AGAP1: variants seen among roughly 807,000 people sequenced by gnomAD.
The protein encoded by AGAP1 is ArfGAP with GTPase domain, ankyrin repeat and PH domain 1.
In AGAP1, 29 loss-of-function variants were observed where a neutral mutation model predicts 105.3. The ratio of observed to expected loss-of-function variants is 0.28; its 90% CI spans 0.21 to 0.38. The LOEUF is 0.38. Among genes scored for constraint, AGAP1 ranks in the 10% least tolerant of loss-of-function variants. The pLI is 1.00. For missense variants in AGAP1, 998 were observed against 1,165.1 expected, an observed-to-expected ratio of 0.86 and a Z score of 2.09; for synonymous variants, 509 against 485.9, an observed-to-expected ratio of 1.05 and a Z score of -0.63.
At chr2:235,497,031 T>C (rs909632420) in intron 1 of AGAP1, among the ~76,000 whole-genome samples, 3 of 152,246 alleles carry the variant, frequency 2.0e-5, no homozygotes, top group Admixed American at 1.3e-4. Flanking sequence ...CATGTTCTTC[T>C]GTTATCAATA....
intron 9 of AGAP1, among the ~76,000 whole-genome samples, chr2:235,811,357 C>T (rs532385845): frequency 2.0e-5 from 3 of 152,298 alleles, no homozygotes; most frequent in South Asian, 2.1e-4. Context: ...TTTTGAAAAT[C>T]ATGCTCAGTT....
rs1406966432 is a variant in AGAP1, at chr2:235,724,167, A to G, written c.310+6523A>G. On this transcript the variant is annotated intron_variant, in intron 3 of 17. Transcript: ENST00000304032. This position sits in a 1 kb window ranked among gnomAD's most constrained non-coding sequence, Gnocchi z 4.9. ...GGAGTTTCTGACTGATTCTTAACCA[A>G]CTCAAAATTTTAGGCAGAAAGCTAG... is the stretch of plus-strand genomic sequence containing the variant. Among the ~76,000 whole-genome samples the G allele has an allele frequency of 1.3e-5, 2 of 152,096 alleles. No individual in the cohort carries two copies. Among genetic ancestry groups the G allele is most frequent in the African/African-American group, 2.4e-5 (1 of 41,420 alleles).
At chr2:235,818,262 C>G (rs760090406) in intron 9 of AGAP1, among the ~76,000 whole-genome samples, 5 of 152,182 alleles carry the variant, frequency 3.3e-5, no homozygotes, top group Non-Finnish European at 5.9e-5. Context: ...CTACTCTGTT[C>G]TAGACGAAGA....
Position 235,905,796 on chromosome 2 carries a change from G to A in AGAP1, c.1156-2942G>A, listed in dbSNP as rs999649546. On this transcript the variant is annotated intron_variant, in intron 10 of 17. Transcript: ENST00000304032. The surrounding 1 kb of genome is among the most constrained non-coding windows in gnomAD (Gnocchi z 4.2). Reference sequence around the variant, plus strand: ...TTACAGGCGTGAGCCACCGCGCCCCGCCTGATGTGCTTTTCATTTGTCACC... The same window carrying A: ...TTACAGGCGTGAGCCACCGCGCCCCACCTGATGTGCTTTTCATTTGTCACC... Among the ~76,000 whole-genome samples, 3 of 152,170 alleles carry A rather than the reference G, an allele frequency of 2.0e-5. No homozygotes were observed. Among genetic ancestry groups the A allele is most frequent in the Admixed American group, 6.5e-5 (1 of 15,272 alleles).
At chr2:235,869,322 C>T (rs1355569747) in intron 9 of AGAP1, among the ~76,000 whole-genome samples, 3 of 147,808 alleles carry the variant, frequency 2.0e-5, no homozygotes, top group African/African-American at 7.4e-5. Flanking sequence ...TGGTGGCTCA[C>T]GCCTGTAATC....
chr2:235,495,882 C>G (rs1013132284), intron 1 of AGAP1, among the ~76,000 whole-genome samples: 1 of 152,218 alleles, frequency 6.6e-6, no homozygotes, highest in Non-Finnish European at 1.5e-5. Context: ...GGTAAAAAGC[C>G]TGCAGAGTGG....
chr2:235,840,939 G>C (rs1960757845), intron 9 of AGAP1, among the ~76,000 whole-genome samples: 1 of 152,074 alleles, frequency 6.6e-6, no homozygotes, highest in African/African-American at 2.4e-5. Context: ...TCCCCAGAAA[G>C]CAAACAGGAC....
chr2:235,494,632 G>GC lies in AGAP1; in HGVS notation c.-55_-54insC. On this transcript the variant is annotated 5_prime_UTR_variant, in exon 1 of 18. Transcript: ENST00000304032. ...CGGGCTCGGCGGCCCGCGGGCCCCG[G>GC]GGCGCGGGGCGGCGGCGGCGGGGGG... is the stretch of plus-strand genomic sequence containing the variant. The GC allele has an allele frequency of 1.0e-6, 1 of 960,378 alleles. No homozygotes were observed. The highest frequency in any genetic ancestry group is 1.8e-5 in the African/African-American group (1 of 55,300). 59.5% of individuals were successfully genotyped at this position (960,378 alleles called of 1,614,324 possible).
Position 235,721,523 on chromosome 2 carries a change from T to C in AGAP1, c.310+3879T>C, listed in dbSNP as rs1951384279. Among the ~76,000 whole-genome samples, 1 of 151,178 alleles carries C rather than the reference T, an allele frequency of 6.6e-6. No homozygotes were observed. The highest frequency in any genetic ancestry group is 6.6e-5 in the Admixed American group (1 of 15,250). ...TGTGTGTACACCTAGGTGTGTAATA[T>C]ATGTATGTGTACTTCAGTCCTAGCA... On this transcript the variant is annotated intron_variant, in intron 3 of 17. Coordinates refer to ENST00000304032, the MANE Select transcript of AGAP1 (RefSeq NM_001037131.3). The surrounding 1 kb of genome is among the most constrained non-coding windows in gnomAD (Gnocchi z 4.5).
At chr2:235,966,394 T>C (rs554278874) in intron 12 of AGAP1, among the ~76,000 whole-genome samples, 60 of 152,072 alleles carry the variant, frequency 3.9e-4, no homozygotes, top group African/African-American at 1.4e-3. Flanking sequence ...GGAGCCGTGA[T>C]GGTGGAGTCA....
Position 235,659,549 on chromosome 2 carries a change from C to T in AGAP1, c.164-49630C>T, listed in dbSNP as rs971560967. Among the ~76,000 whole-genome samples the T allele has an allele frequency of 8.5e-5, 13 of 152,156 alleles. No homozygotes were observed. On this transcript the variant is annotated intron_variant, in intron 1 of 17. Coordinates refer to ENST00000304032, the MANE Select transcript of AGAP1 (RefSeq NM_001037131.3). This position sits in a 1 kb window ranked among gnomAD's most constrained non-coding sequence, Gnocchi z 5.0. Reference sequence around the variant, plus strand: ...GTGGGTCACTTGCCAGGCGTCAGTGCCCTGCTCGGGGTCCCTTTGCAGCTC... The same window carrying T: ...GTGGGTCACTTGCCAGGCGTCAGTGTCCTGCTCGGGGTCCCTTTGCAGCTC...
At chr2:236,063,088 G>A (rs903874868) in intron 16 of AGAP1, among the ~76,000 whole-genome samples, 2 of 152,046 alleles carry the variant, frequency 1.3e-5, no homozygotes, top group Non-Finnish European at 2.9e-5. Flanking sequence ...GCGCCCCGCT[G>A]TACTCAGGAC....
chr2:236,034,579 G>A lies in AGAP1; in HGVS notation c.1646-1982G>A, dbSNP rs191043949. Among the ~76,000 whole-genome samples, 507 of 152,220 alleles carry A rather than the reference G, an allele frequency of 3.3e-3. 2 individuals carry two copies. Among genetic ancestry groups the A allele is most frequent in the Non-Finnish European group, 5.3e-3 (362 of 68,012 alleles). ...AGCTCTCCAGAAATCGGGAACCAGG[G>A]TGACTGAGAGCACAAAGGACACCCC... On this transcript the variant is annotated intron_variant, in intron 13 of 17. Transcript: ENST00000304032.
At chr2:235,563,592 G>C (rs979860907) in intron 1 of AGAP1, among the ~76,000 whole-genome samples, 5 of 136,782 alleles carry the variant, frequency 3.7e-5, no homozygotes, top group Non-Finnish European at 6.3e-5. Context: ...TAGCCCGGGC[G>C]GGGGGTGGGG....
At chr2:235,708,325 A>C (rs1037391447) in intron 1 of AGAP1, among the ~76,000 whole-genome samples, 3 of 152,210 alleles carry the variant, frequency 2.0e-5, no homozygotes, top group Admixed American at 6.5e-5. Flanking sequence ...GATCACCAGG[A>C]CAAATGATGA....
intron 1 of AGAP1, 121 bp from the exon 2 acceptor site, chr2:235,709,058 A>T: frequency 1.0e-6 from 1 of 955,268 alleles, no homozygotes; most frequent in East Asian, 2.4e-5. Flanking sequence ...AGAGTGACAC[A>T]GGGAGGCTTG....
intron 1 of AGAP1, among the ~76,000 whole-genome samples, chr2:235,683,138 C>G (rs1206252187): frequency 6.6e-6 from 1 of 152,066 alleles, no homozygotes; most frequent in Non-Finnish European, 1.5e-5. Context: ...AAACCCCCAT[C>G]TCTACTAAAA....
chr2:235,810,163 A>G (rs1274451005), intron 9 of AGAP1, among the ~76,000 whole-genome samples: 3 of 152,194 alleles, frequency 2.0e-5, no homozygotes, highest in Non-Finnish European at 4.4e-5. Context: ...ACGACTGTAT[A>G]AAGAAACTTC....
chr2:236,111,505 AAGAG>A (rs143443604), intron 16 of AGAP1, among the ~76,000 whole-genome samples: 49,432 of 151,120 alleles, frequency 0.33, 8,852 homozygotes, highest in Middle Eastern at 0.47. Context: ...TAAAAAAAAA[AAGAG>A]AGAGAAGAAG....
Sources: gnomAD v4.1 joint callset for allele counts (sites outside exome capture counted in the v4.1 genomes callset) on GRCh38, gnomAD v4.1.1 for gene constraint, Gnocchi (gnomAD v3.1) non-coding constraint, MANE v1.5 for transcripts, NCBI Gene and HGNC (gene_info 2026-07-23, HGNC 2026-07-21) for gene names.